ASAP2: variants seen among roughly 807,000 people sequenced by gnomAD.
ASAP2 encodes ArfGAP with SH3 domain, ankyrin repeat and PH domain 2.
ASAP2 carries 45 observed loss-of-function variants against 131.4 expected under a neutral mutation model. The ratio of observed to expected loss-of-function variants is 0.34; its 90% CI spans 0.27 to 0.44. The LOEUF (loss-of-function observed/expected upper bound fraction) is 0.44, where lower values mean the gene tolerates loss of function less well. ASAP2 is among the 20% of genes least tolerant of loss of function. ASAP2 has a pLI of 1.00. For missense variants in ASAP2, 1,011 were observed against 1,297.0 expected (o/e 0.78, Z 3.39); for synonymous variants, 510 against 503.0 (o/e 1.01, Z -0.19).
intron 2 of ASAP2, among the ~76,000 whole-genome samples, chr2:9,295,401 G>A (rs1169553314): frequency 6.6e-6 from 1 of 152,204 alleles, no homozygotes; most frequent in Non-Finnish European, 1.5e-5. Flanking sequence ...AATAAGTGAC[G>A]CCTGTTGCTG....
At chr2:9,355,547 A>G (rs983366283) in intron 12 of ASAP2, among the ~76,000 whole-genome samples, 3 of 152,198 alleles carry the variant, frequency 2.0e-5, no homozygotes, top group Admixed American at 1.3e-4. Context: ...GTAGGATTTT[A>G]TATTCGACCA....
chr2:9,367,349 A>G (rs1245016873), intron 15 of ASAP2, among the ~76,000 whole-genome samples: 1 of 152,160 alleles, frequency 6.6e-6, no homozygotes, highest in East Asian at 1.9e-4. Context: ...CATAATCAAT[A>G]GAGAGCAGAA....
chr2:9,237,536 C>T (rs1348643494), intron 1 of ASAP2, among the ~76,000 whole-genome samples: 1 of 152,004 alleles, frequency 6.6e-6, no homozygotes, highest in African/African-American at 2.4e-5. Flanking sequence ...CTTAGCCTCC[C>T]AAGTAGCTGG....
chr2:9,307,829 C>T (rs1669044941), intron 3 of ASAP2, among the ~76,000 whole-genome samples: 1 of 152,178 alleles, frequency 6.6e-6, no homozygotes, highest in African/African-American at 2.4e-5. Context: ...AGCATGGGCT[C>T]CCCCTTCTCC....
At chr2:9,320,361 T>C in intron 5 of ASAP2, 24 bp downstream of exon 5, 1 of 1,586,944 alleles carries the variant, frequency 6.3e-7, no homozygotes, top group Non-Finnish European at 8.6e-7. Context: ...TTTTTAAATT[T>C]ACGTATAGGT....
At chr2:9,395,853 C>T (rs1676105336) in intron 24 of ASAP2, among the ~76,000 whole-genome samples, 1 of 151,870 alleles carries the variant, frequency 6.6e-6, no homozygotes, top group Non-Finnish European at 1.5e-5. Flanking sequence ...GTGATCTGCC[C>T]TCCTCGGCCT....
chr2:9,283,753 T>C (rs1454708396), intron 2 of ASAP2, among the ~76,000 whole-genome samples: 1 of 152,200 alleles, frequency 6.6e-6, no homozygotes, highest in Non-Finnish European at 1.5e-5. Flanking sequence ...GTGAGGGCTC[T>C]CCTCTCCTTC....
intron 1 of ASAP2, among the ~76,000 whole-genome samples, chr2:9,221,371 G>A (rs1305449788): frequency 6.7e-6 from 1 of 149,308 alleles, no homozygotes; most frequent in Non-Finnish European, 1.5e-5. Flanking sequence ...GCCCAGGCTG[G>A]AGTGCAATGG....
intron 1 of ASAP2, among the ~76,000 whole-genome samples, chr2:9,234,841 C>G (rs1352082999): frequency 6.6e-6 from 1 of 152,178 alleles, no homozygotes; most frequent in Non-Finnish European, 1.5e-5. Context: ...CATATTGTCT[C>G]TTTGTTCTCA....
chr2:9,306,509 G>T (rs1049953142), intron 3 of ASAP2, among the ~76,000 whole-genome samples: 5 of 151,858 alleles, frequency 3.3e-5, no homozygotes, highest in African/African-American at 9.7e-5. Context: ...GAGGAAAGCA[G>T]GTGGGAAGGG....
chr2:9,321,790 C>T, intron 5 of ASAP2, among the ~76,000 whole-genome samples: 1 of 152,158 alleles, frequency 6.6e-6, no homozygotes, highest in East Asian at 1.9e-4. Context: ...TCGAGACACA[C>T]ATGGGTAGGA....
At chr2:9,272,831 CTT>C (rs1245147547) in intron 1 of ASAP2, among the ~76,000 whole-genome samples, 7 of 152,120 alleles carry the variant, frequency 4.6e-5, no homozygotes, top group Non-Finnish European at 8.8e-5. Context: ...AGTGTATGTT[CTT>C]GGCACATTTG....
intron 3 of ASAP2, among the ~76,000 whole-genome samples, chr2:9,306,625 C>T (rs1343315726): frequency 6.6e-6 from 1 of 151,910 alleles, no homozygotes; most frequent in African/African-American, 2.4e-5. Context: ...TGTGGAGATC[C>T]TGTGCCCCTT....
chr2:9,395,944 A>G (rs1676113758), intron 24 of ASAP2, among the ~76,000 whole-genome samples: 1 of 151,892 alleles, frequency 6.6e-6, no homozygotes, highest in South Asian at 2.1e-4. Context: ...AAATAAAGTT[A>G]AACTTTTACT....
chr2:9,267,028 C>T (rs551435927), intron 1 of ASAP2, among the ~76,000 whole-genome samples: 5 of 152,264 alleles, frequency 3.3e-5, no homozygotes, highest in South Asian at 2.1e-4. Flanking sequence ...CTGGTTCTTT[C>T]GCCAACTCTA....
At chr2:9,231,139 G>A (rs932811232) in intron 1 of ASAP2, among the ~76,000 whole-genome samples, 3 of 152,238 alleles carry the variant, frequency 2.0e-5, no homozygotes, top group Non-Finnish European at 2.9e-5. Context: ...CTGCCAGCAG[G>A]ATGGATGGGG....
At chr2:9,327,403 G>A (rs137884443) in intron 6 of ASAP2, among the ~76,000 whole-genome samples, 1 of 152,300 alleles carries the variant, frequency 6.6e-6, no homozygotes, top group Non-Finnish European at 1.5e-5. Flanking sequence ...TAAGGGAAAT[G>A]TCTCAGGACG....
chr2:9,316,084 C>T (rs182003345), intron 3 of ASAP2, among the ~76,000 whole-genome samples: 1 of 151,904 alleles, frequency 6.6e-6, no homozygotes, highest in East Asian at 1.9e-4. Flanking sequence ...TTTGAGAGGC[C>T]GAGGAGGGCA....
intron 1 of ASAP2, among the ~76,000 whole-genome samples, chr2:9,226,355 G>A (rs1662767702): frequency 6.6e-6 from 1 of 152,168 alleles, no homozygotes; most frequent in South Asian, 2.1e-4. Flanking sequence ...TTGCCAAAAT[G>A]CCTATTGCAG....
Sources: gnomAD v4.1 joint callset for allele counts (sites outside exome capture counted in the v4.1 genomes callset) on GRCh38, gnomAD v4.1.1 for gene constraint, MANE v1.5 for transcripts, NCBI Gene and HGNC (gene_info 2026-07-23, HGNC 2026-07-21) for gene names.